Variants in TIAM1 observed in about 807,000 individuals in gnomAD.
The protein encoded by TIAM1 is TIAM Rac1 associated GEF 1.
In TIAM1, 65 loss-of-function variants were observed where a neutral mutation model predicts 163.5. The observed-to-expected ratio is 0.40, with a 90% CI of 0.33 to 0.49. The LOEUF (loss-of-function observed/expected upper bound fraction) is 0.49, where lower values mean the gene tolerates loss of function less well. Ranked by LOEUF, TIAM1 falls within the 20% of genes least tolerant of loss-of-function variation. TIAM1 has a pLI of 0.77. For synonymous variants in TIAM1, 833 were observed against 810.1 expected (o/e 1.03, Z -0.48); for missense variants, 1,789 against 2,044.7 (o/e 0.87, Z 2.41).
At chr21:31,498,836 C>T (rs112088156) in intron 1 of TIAM1, among the ~76,000 whole-genome samples, 6,093 of 152,088 alleles carry the variant, frequency 0.04, 282 homozygotes, top group African/African-American at 0.11. Flanking sequence ...ATCCCAGCTA[C>T]TTGGGAGGCT....
Position 31,479,956 on chromosome 21 carries a change from C to A in TIAM1, c.-421-15921G>T, listed in dbSNP as rs553615904. Among the ~76,000 whole-genome samples, 6 of 152,350 alleles carry A rather than the reference C, an allele frequency of 3.9e-5. No homozygotes were observed. The East Asian group carries it at 1.2e-3, about 29-fold the overall frequency. Reference sequence around the variant, plus strand: ...TGCAGTAATTACCCCTCTCCACCCTCCTAGGGAACACCTACTATACAGTGC... The same window carrying A: ...TGCAGTAATTACCCCTCTCCACCCTACTAGGGAACACCTACTATACAGTGC... On this transcript the variant is annotated intron_variant, in intron 1 of 28. Transcript: ENST00000286827.
intron 2 of TIAM1, among the ~76,000 whole-genome samples, chr21:31,329,005 A>ATTTATTTTG (rs2075587616): frequency 1.3e-5 from 2 of 152,102 alleles, no homozygotes; most frequent in Non-Finnish European, 2.9e-5. Flanking sequence ...ATTACCTAGC[A>ATTTATTTTG]TTTATTTTGT....
chr21:31,272,077 C>T (rs1397094949), intron 3 of TIAM1, among the ~76,000 whole-genome samples: 1 of 152,162 alleles, frequency 6.6e-6, no homozygotes, highest in Non-Finnish European at 1.5e-5. Context: ...ACCTACCAAA[C>T]ATCATAGCTC....
At chr21:31,276,403 C>T (rs16988058) in intron 3 of TIAM1, among the ~76,000 whole-genome samples, 7,670 of 152,214 alleles carry the variant, frequency 0.05, 454 homozygotes, top group African/African-American at 0.14. Flanking sequence ...GTTTTCAAGT[C>T]AGATTTTGAA....
At position 31,315,408 on chromosome 21, in the gene TIAM1, G is replaced by C. The variant is rs191508306; in HGVS notation, c.-189+23835C>G. On this transcript the variant is annotated intron_variant, in intron 2 of 27. Transcript: ENST00000541036. ...CGGGCGCCTGTAGTCCCAGCTACTC[G>C]GGAGGCTGAGGCAGGAGAATGGCGT... Among the ~76,000 whole-genome samples, 18 of 151,942 alleles carry C rather than the reference G, an allele frequency of 1.2e-4. No homozygotes were observed. In the South Asian group the frequency reaches 3.7e-3, roughly 32 times the overall value.
chr21:31,438,332 C>A (rs1450293652), intron 2 of TIAM1, among the ~76,000 whole-genome samples: 1 of 151,748 alleles, frequency 6.6e-6, no homozygotes, highest in Non-Finnish European at 1.5e-5. Context: ...GCTGGGATTA[C>A]AGGCGCCTGC....
rs967311956 is a variant in TIAM1 at position 31,258,209 on chromosome 21, C to T, written c.964-6020G>A. On this transcript the variant is annotated intron_variant, in intron 4 of 27. Coordinates refer to ENST00000541036, the MANE Select transcript of TIAM1 (RefSeq NM_001353694.2). ...GAGCTTGTGGATCTTTCCTTGTTGACGCATCCCAAGTGCCAAGAATAAAGC... is the reference window on the plus strand; with the variant it reads ...GAGCTTGTGGATCTTTCCTTGTTGATGCATCCCAAGTGCCAAGAATAAAGC... Among the ~76,000 whole-genome samples the T allele has an allele frequency of 3.9e-5, 6 of 152,234 alleles. No homozygotes were observed. In the East Asian group the frequency reaches 5.8e-4, roughly 15 times the overall value.
chr21:31,431,463 C>T (rs908859469), intron 2 of TIAM1, among the ~76,000 whole-genome samples: 5 of 152,206 alleles, frequency 3.3e-5, no homozygotes, highest in Non-Finnish European at 7.3e-5. Flanking sequence ...GGGAGAACCA[C>T]TGAGCTAGAC....
intron 2 of TIAM1, among the ~76,000 whole-genome samples, chr21:31,296,887 T>A (rs901517978): frequency 3.9e-5 from 6 of 152,138 alleles, no homozygotes; most frequent in African/African-American, 7.2e-5. Context: ...ATGGTCTTGA[T>A]TTCCTGACCT....
intron 2 of TIAM1, among the ~76,000 whole-genome samples, chr21:31,308,616 G>A (rs7275236): frequency 6.6e-6 from 1 of 152,054 alleles, no homozygotes; most frequent in South Asian, 2.1e-4. Context: ...CAATAAACGC[G>A]TGTTGTAATT....
At chr21:31,332,332 G>A (rs1231524117) in intron 2 of TIAM1, among the ~76,000 whole-genome samples, 1 of 152,096 alleles carries the variant, frequency 6.6e-6, no homozygotes, top group Non-Finnish European at 1.5e-5. Flanking sequence ...CCATATTACA[G>A]GCTTTGCCAA....
intron 1 of TIAM1, among the ~76,000 whole-genome samples, chr21:31,537,039 G>C (rs1485890512): frequency 6.6e-6 from 1 of 152,226 alleles, no homozygotes; most frequent in African/African-American, 2.4e-5. Context: ...ACTTCTGGTA[G>C]CTCCGGGCGG....
At chr21:31,321,786 C>T (rs567999225) in intron 2 of TIAM1, among the ~76,000 whole-genome samples, 35 of 152,074 alleles carry the variant, frequency 2.3e-4, no homozygotes, top group African/African-American at 7.0e-4. Flanking sequence ...AGGCCGGGCA[C>T]GGTGGCTCAC....
At chr21:31,420,314 T>C (rs1006025946) in intron 2 of TIAM1, among the ~76,000 whole-genome samples, 3 of 152,132 alleles carry the variant, frequency 2.0e-5, no homozygotes, top group African/African-American at 7.2e-5. Flanking sequence ...TCCATGTCTG[T>C]AAAAAATACC....
At chr21:31,235,260 CA>C (rs2088687730) in intron 6 of TIAM1, among the ~76,000 whole-genome samples, 1 of 150,738 alleles carries the variant, frequency 6.6e-6, no homozygotes, top group Non-Finnish European at 1.5e-5. Context: ...GCCTTCCTCC[CA>C]AAAAAAGGGG....
At chr21:31,429,336 G>A (rs2043914121) in intron 2 of TIAM1, among the ~76,000 whole-genome samples, 2 of 152,020 alleles carry the variant, frequency 1.3e-5, no homozygotes. Context: ...AAAGTAAATT[G>A]GCAACATCTA....
chr21:31,355,560 T>G (rs1355228986), intron 2 of TIAM1, among the ~76,000 whole-genome samples: 2 of 147,670 alleles, frequency 1.4e-5, no homozygotes, highest in Non-Finnish European at 2.9e-5. Context: ...TATTTATTTA[T>G]TTATTTATTG....
chr21:31,152,523 C>T, intron 19 of TIAM1, 113 bp downstream of exon 19: 1 of 1,424,970 alleles, frequency 7.0e-7, no homozygotes, highest in Non-Finnish European at 9.6e-7. Flanking sequence ...CTCTCAGACA[C>T]CCTTAGGAAC....
intron 15 of TIAM1, among the ~76,000 whole-genome samples, chr21:31,170,892 C>T (rs1452250279): frequency 2.6e-5 from 4 of 151,570 alleles, no homozygotes; most frequent in Non-Finnish European, 4.4e-5. Flanking sequence ...AAAAATTAGC[C>T]GGGCATGGTG....
Sources: allele counts gnomAD v4.1 joint callset (sites outside exome capture counted in the v4.1 genomes callset), GRCh38; gene constraint gnomAD v4.1.1; transcripts MANE v1.5; gene names NCBI Gene and HGNC (gene_info 2026-07-23, HGNC 2026-07-21).